Variants in OSBPL10 observed in about 807,000 individuals in gnomAD.
The protein encoded by OSBPL10 is oxysterol binding protein like 10.
A neutral mutation model predicts 81.7 loss-of-function variants in OSBPL10; 49 were observed. The ratio of observed to expected loss-of-function variants is 0.60; its 90% confidence interval spans 0.48 to 0.76. The LOEUF is 0.76. Among genes scored for constraint, OSBPL10 ranks in the 30% least tolerant of loss-of-function variants. The probability of loss-of-function intolerance (pLI) is 0.00; values close to 1 mark genes in which losing one functional copy is unlikely to be tolerated. For missense variants in OSBPL10, 923 were observed against 987.8 expected, an observed-to-expected ratio of 0.93 and a Z score of 0.88; for synonymous variants, 419 against 383.6, an observed-to-expected ratio of 1.09 and a Z score of -1.08.
At chr3:31,801,993 T>C (rs1007142856) in intron 4 of OSBPL10, among the ~76,000 whole-genome samples, 4 of 152,004 alleles carry the variant, frequency 2.6e-5, no homozygotes, top group African/African-American at 9.6e-5. Context: ...CCGGCTAATT[T>C]TGTATTTTTA....
chr3:31,807,104 C>A (rs1699538499), intron 4 of OSBPL10, among the ~76,000 whole-genome samples: 1 of 152,174 alleles, frequency 6.6e-6, no homozygotes, highest in African/African-American at 2.4e-5. Context: ...TCCTGGCCAG[C>A]CACGGTGGCT....
rs1553620066 is a variant in OSBPL10 at position 31,740,857 on chromosome 3, T to TTTTATATATATATATATATATA, written c.940+7052_940+7053insTATATATATATATATATATAAA. Among the ~76,000 whole-genome samples, 89 of 136,430 alleles carry TTTTATATATATATATATATATA rather than the reference T, an allele frequency of 6.5e-4. 1 individual carries two copies. The highest frequency in any genetic ancestry group is 3.0e-3 in the African/African-American group (88 of 29,804). 89.5% of individuals were successfully genotyped at this position (136,430 alleles called of 152,430 possible). A position where few individuals can be genotyped will look rare whatever the true frequency, so the allele number is the denominator to read the frequency against. On this transcript the variant is annotated intron_variant, in intron 5 of 11. Transcript: ENST00000396556. ...AACTTAATATGACCACTACTAGAAT[T>TTTTATATATATATATATATATA]TATATATATATGTCATATTTCTTCC... is the stretch of plus-strand genomic sequence containing the variant.
intron 1 of OSBPL10, among the ~76,000 whole-genome samples, chr3:31,893,707 C>G (rs1695972516): frequency 6.6e-6 from 1 of 152,130 alleles, no homozygotes; most frequent in South Asian, 2.1e-4. Flanking sequence ...AAAAGTACAA[C>G]ATGGATGAAC....
Position 31,875,505 on chromosome 3 carries a change from C to T in OSBPL10, c.537+928G>A, listed in dbSNP as rs940902591. 8.9e-5 allele frequency among the ~76,000 whole-genome samples: 13 copies of T among 145,636 alleles called. 1 individual carries two copies. The highest frequency in any genetic ancestry group is 1.8e-4 in the Non-Finnish European group (12 of 66,978). On this transcript the variant is annotated intron_variant, in intron 3 of 11. Transcript: ENST00000396556. ...TTAGGGCAAGTTAAGCGAGGCATTACAGGTAAGTGCCACTATCCTAAGCAA... is the reference window on the plus strand; with the variant it reads ...TTAGGGCAAGTTAAGCGAGGCATTATAGGTAAGTGCCACTATCCTAAGCAA...
At chr3:31,726,706 C>A (rs1292548016) in intron 6 of OSBPL10, among the ~76,000 whole-genome samples, 1 of 151,664 alleles carries the variant, frequency 6.6e-6, no homozygotes, top group African/African-American at 2.4e-5. Context: ...GATGCTGCCA[C>A]AATGAAGTGA....
intron 1 of OSBPL10, among the ~76,000 whole-genome samples, chr3:31,926,027 T>A (rs1697063123): frequency 6.6e-6 from 1 of 152,140 alleles, no homozygotes; most frequent in African/African-American, 2.4e-5. Context: ...ATAGTAAAAG[T>A]AACCACTCTC....
chr3:31,827,500 G>C (rs1456920975), intron 4 of OSBPL10, among the ~76,000 whole-genome samples: 1 of 152,070 alleles, frequency 6.6e-6, no homozygotes, highest in African/African-American at 2.4e-5. Flanking sequence ...GCCAGGCGTG[G>C]TGGTGGATGC....
intron 1 of OSBPL10, among the ~76,000 whole-genome samples, chr3:32,069,262 C>A (rs544649912): frequency 6.6e-6 from 1 of 152,004 alleles, no homozygotes; most frequent in Non-Finnish European, 1.5e-5. Context: ...CCCAGATGAA[C>A]GGGAAAGAGT....
In OSBPL10 at chr3:31,884,474, T is replaced by C. The variant is rs1490511555; in HGVS notation, c.282-4644A>G. On this transcript the variant is annotated intron_variant, in intron 1 of 11. Coordinates refer to ENST00000396556, the MANE Select transcript of OSBPL10 (RefSeq NM_017784.5). Reference sequence around the variant, plus strand: ...ACAAGTGTTCTTTCAGCATGGCCTCTGACAGTTAAGTCAGCTTGTGTCATA... The same window carrying C: ...ACAAGTGTTCTTTCAGCATGGCCTCCGACAGTTAAGTCAGCTTGTGTCATA... Among the ~76,000 whole-genome samples, 4 of 152,356 alleles carry C rather than the reference T, an allele frequency of 2.6e-5. No homozygotes were observed. In the East Asian group the frequency reaches 7.7e-4, roughly 29 times the overall value.
intron 1 of OSBPL10, among the ~76,000 whole-genome samples, chr3:31,927,233 C>G (rs941502992): frequency 9.2e-5 from 14 of 152,294 alleles, no homozygotes; most frequent in Non-Finnish European, 1.9e-4. Flanking sequence ...AAAGTTGAAT[C>G]TGAAACATTT....
chr3:32,054,414 T>A (rs1300325639), intron 1 of OSBPL10, among the ~76,000 whole-genome samples: 2 of 152,040 alleles, frequency 1.3e-5, no homozygotes, highest in South Asian at 2.1e-4. Flanking sequence ...TCCAAAATTA[T>A]TTGAAACTCC....
At chr3:31,788,296 CATA>C (rs1289518953) in intron 4 of OSBPL10, among the ~76,000 whole-genome samples, 4 of 152,132 alleles carry the variant, frequency 2.6e-5, no homozygotes, top group African/African-American at 9.7e-5. Context: ...GACATTTTGC[CATA>C]ATGTCATTTA....
intron 6 of OSBPL10, among the ~76,000 whole-genome samples, chr3:31,720,127 A>G (rs1374583224): frequency 6.6e-6 from 1 of 151,544 alleles, no homozygotes; most frequent in Non-Finnish European, 1.5e-5. Context: ...GACACACAGT[A>G]GCTCCTTCTA....
intron 2 of OSBPL10, among the ~76,000 whole-genome samples, chr3:32,026,694 G>A (rs1422779866): frequency 4.6e-5 from 7 of 152,166 alleles, no homozygotes; most frequent in African/African-American, 2.4e-5. Context: ...GGAAATGACC[G>A]CCATACTAAC....
At chr3:31,809,798 A>C (rs1699625664) in intron 4 of OSBPL10, among the ~76,000 whole-genome samples, 1 of 151,836 alleles carries the variant, frequency 6.6e-6, no homozygotes. Flanking sequence ...TGGAGAAAAG[A>C]TGGACTATTC....
At chr3:31,967,917 T>G (rs905289895) in intron 1 of OSBPL10, among the ~76,000 whole-genome samples, 26 of 152,240 alleles carry the variant, frequency 1.7e-4, no homozygotes, top group African/African-American at 6.0e-4. Context: ...ATTAGATATA[T>G]GCTCTATTCG....
intron 1 of OSBPL10, among the ~76,000 whole-genome samples, chr3:32,055,307 G>A (rs9860936): frequency 0.024 from 3,314 of 138,996 alleles, 116 homozygotes; most frequent in African/African-American, 0.079. Flanking sequence ...GGGTTCCAGT[G>A]ATTCTCCTGC....
At chr3:31,693,576 G>A (rs1197330351) in intron 7 of OSBPL10, among the ~76,000 whole-genome samples, 2 of 152,090 alleles carry the variant, frequency 1.3e-5, no homozygotes, top group African/African-American at 2.4e-5. Flanking sequence ...TATATACCAG[G>A]GGTCAACAAA....
At chr3:31,755,650 T>C (rs1387714519) in intron 4 of OSBPL10, among the ~76,000 whole-genome samples, 1 of 152,218 alleles carries the variant, frequency 6.6e-6, no homozygotes, top group Admixed American at 6.5e-5. Flanking sequence ...TTTGACACTT[T>C]ATCATGTGAG....
Sources: allele counts gnomAD v4.1 joint callset (sites outside exome capture counted in the v4.1 genomes callset), GRCh38; gene constraint gnomAD v4.1.1; transcripts MANE v1.5; gene names NCBI Gene and HGNC (gene_info 2026-07-23, HGNC 2026-07-21).